The following FSTL5 variants were observed in gnomAD, a reference collection of about 807,000 sequenced individuals.
FSTL5 encodes follistatin-related protein 5.
Under a neutral mutation model 89.1 loss-of-function variants are expected in FSTL5, and 62 were observed. The ratio of observed to expected loss-of-function variants is 0.70; its 90% CI spans 0.57 to 0.86. FSTL5 has a LOEUF of 0.86. Among genes scored for constraint, FSTL5 ranks in the 40% least tolerant of loss-of-function variants. The probability of loss-of-function intolerance (pLI) is 0.00; values close to 1 mark genes in which losing one functional copy is unlikely to be tolerated. For missense variants in FSTL5, 1,057 were observed against 1,001.6 expected, an observed-to-expected ratio of 1.06 and a Z score of -0.75; for synonymous variants, 383 against 346.2, an observed-to-expected ratio of 1.11 and a Z score of -1.18.
intron 15 of FSTL5, among the ~76,000 whole-genome samples, chr4:161,413,009 A>AT (rs962328347): frequency 1.3e-5 from 2 of 152,042 alleles, no homozygotes; most frequent in Non-Finnish European, 2.9e-5. Context: ...TTGACAAAGA[A>AT]TTTTTTACTA....
intron 15 of FSTL5, among the ~76,000 whole-genome samples, chr4:161,445,112 G>A (rs1291846829): frequency 6.6e-6 from 1 of 151,914 alleles, no homozygotes; most frequent in African/African-American, 2.4e-5. Context: ...AACTTGATTT[G>A]TAAATTCAGA....
intron 2 of FSTL5, among the ~76,000 whole-genome samples, chr4:162,095,570 C>G (rs886685930): frequency 6.6e-6 from 1 of 151,888 alleles, no homozygotes; most frequent in Non-Finnish European, 1.5e-5. Flanking sequence ...TCTTGAGGAA[C>G]GGTTTTTCAA....
intron 7 of FSTL5, among the ~76,000 whole-genome samples, chr4:161,598,021 A>C (rs899241718): frequency 1.3e-5 from 2 of 152,218 alleles, no homozygotes; most frequent in Non-Finnish European, 2.9e-5. Context: ...CAATATTTTA[A>C]AGGTATCAAT....
At chr4:161,751,171 C>G (rs6536612) in intron 6 of FSTL5, among the ~76,000 whole-genome samples, 151,015 of 152,190 alleles carry the variant, frequency 0.99, 74,933 homozygotes, top group Middle Eastern at 1. Flanking sequence ...ACAAATGGGA[C>G]ATTAAAGGAC....
chr4:162,002,536 C>A (rs551099516), intron 3 of FSTL5, among the ~76,000 whole-genome samples: 65 of 152,288 alleles, frequency 4.3e-4, no homozygotes, highest in African/African-American at 1.5e-3. Flanking sequence ...GACCAAACAA[C>A]TGGCTAACAA....
At chr4:161,410,562 A>G (rs1354552585) in intron 15 of FSTL5, among the ~76,000 whole-genome samples, 2 of 152,208 alleles carry the variant, frequency 1.3e-5, no homozygotes, top group Non-Finnish European at 2.9e-5. Flanking sequence ...AGAAATAAAT[A>G]CCAAGAAGAT....
chr4:161,443,985 CA>C (rs1732863067), intron 15 of FSTL5, among the ~76,000 whole-genome samples: 1 of 151,412 alleles, frequency 6.6e-6, no homozygotes, highest in Admixed American at 6.6e-5. Flanking sequence ...AAAGATATTT[CA>C]AAAAACTATA....
chr4:161,440,961 C>T (rs1312834864), intron 15 of FSTL5, among the ~76,000 whole-genome samples: 1 of 152,064 alleles, frequency 6.6e-6, no homozygotes, highest in Admixed American at 6.6e-5. Context: ...AAACATTTAC[C>T]TACCTGATAC....
chr4:162,037,892 A>G (rs1481713928), intron 2 of FSTL5, among the ~76,000 whole-genome samples: 2 of 151,946 alleles, frequency 1.3e-5, no homozygotes, highest in Non-Finnish European at 2.9e-5. Flanking sequence ...ATTATTCACA[A>G]TGGCAATACA....
In FSTL5 at chr4:161,578,582, G is replaced by A. The variant is rs184668372; in HGVS notation, c.1015+8873C>T. ...AATAATGGCCAAACGTTTATTCAAA[G>A]GTTTTAAAAATATATATCCCAAAGT... On this transcript the variant is annotated intron_variant, in intron 8 of 15. Transcript: ENST00000306100. 2.9e-3 allele frequency among the ~76,000 whole-genome samples: 440 copies of A among 152,074 alleles called. 1 individual carries two copies. Among genetic ancestry groups the A allele is most frequent in the African/African-American group, 0.01 (428 of 41,514 alleles).
At chr4:162,150,270 A>G (rs1334270797) in intron 1 of FSTL5, among the ~76,000 whole-genome samples, 2 of 152,194 alleles carry the variant, frequency 1.3e-5, no homozygotes, top group East Asian at 1.9e-4. Context: ...AGTTCTTAAT[A>G]TAAGACAGAG....
chr4:162,026,304 C>CTTTTTTTTTATTTTTTTTTTTTTTTT (rs1553992345), intron 3 of FSTL5, among the ~76,000 whole-genome samples: 1 of 79,474 alleles, frequency 1.3e-5, no homozygotes, highest in African/African-American at 4.9e-5. Context: ...TATGTATTTT[C>CTTTTTTTTTATTTTTTTTTTTTTTTT]TTTTTTTTTT....
chr4:162,110,649 C>A (rs2111405666), intron 2 of FSTL5, among the ~76,000 whole-genome samples: 1 of 151,690 alleles, frequency 6.6e-6, no homozygotes, highest in South Asian at 2.1e-4. Context: ...TTTTCAGTAT[C>A]ATGGACTGCT....
intron 6 of FSTL5, among the ~76,000 whole-genome samples, chr4:161,756,720 G>A (rs896970508): frequency 3.9e-5 from 6 of 152,190 alleles, no homozygotes; most frequent in East Asian, 3.9e-4. Flanking sequence ...TTTACTGATA[G>A]GGCCAGGGAT....
chr4:162,016,209 T>C (rs145918508), intron 3 of FSTL5, among the ~76,000 whole-genome samples: 3 of 152,300 alleles, frequency 2.0e-5, no homozygotes, highest in African/African-American at 7.2e-5. Flanking sequence ...GTTTCTGTCA[T>C]GGTTTTGGCC....
At chr4:162,125,150 T>G (rs62331312) in intron 1 of FSTL5, among the ~76,000 whole-genome samples, 1 of 151,960 alleles carries the variant, frequency 6.6e-6, no homozygotes, top group Non-Finnish European at 1.5e-5. Context: ...GGACACAGCT[T>G]TCTATCAATT....
At chr4:161,450,901 G>A (rs62326378) in intron 15 of FSTL5, among the ~76,000 whole-genome samples, 20,033 of 151,576 alleles carry the variant, frequency 0.13, 1,587 homozygotes, top group Non-Finnish European at 0.19. Context: ...CCACCACCAC[G>A]CCTGGCTAAT....
intron 6 of FSTL5, among the ~76,000 whole-genome samples, chr4:161,738,527 T>C (rs1218190305): frequency 6.6e-6 from 1 of 151,966 alleles, no homozygotes; most frequent in African/African-American, 2.4e-5. Flanking sequence ...AAGAGTCAGA[T>C]AAAAATCAGA....
Position 162,017,648 on chromosome 4 carries a change from C to A in FSTL5, c.160+15977G>T, listed in dbSNP as rs543003132. ...CGTTTATTTTCATACTTCCAGCAGA[C>A]CACTAAGCATATTAAAATCAGAGAA... On this transcript the variant is annotated intron_variant, in intron 3 of 15. Transcript: ENST00000306100. 2.0e-5 allele frequency among the ~76,000 whole-genome samples: 3 copies of A among 152,232 alleles called. No individual in the cohort carries two copies. In the South Asian group the frequency reaches 6.2e-4, roughly 32 times the overall value.
Sources: gnomAD v4.1 joint callset for allele counts (sites outside exome capture counted in the v4.1 genomes callset) on GRCh38, gnomAD v4.1.1 for gene constraint, MANE v1.5 for transcripts, NCBI Gene and HGNC (gene_info 2026-07-23, HGNC 2026-07-21) for gene names.